AFF3: variants seen among roughly 807,000 people sequenced by gnomAD.
AFF3 encodes AF4/FMR2 family member 3.
In AFF3, 32 loss-of-function variants were observed where a neutral mutation model predicts 129.7. The ratio of observed to expected loss-of-function variants is 0.25; its 90% CI spans 0.19 to 0.33. The LOEUF (loss-of-function observed/expected upper bound fraction) is 0.33. Ranked by LOEUF, AFF3 falls within the 10% of genes least tolerant of loss-of-function variation. The pLI is 1.00. For synonymous variants in AFF3, 644 were observed against 635.4 expected (o/e 1.01, Z -0.20); for missense variants, 1,373 against 1,592.0 (o/e 0.86, Z 2.34).
chr2:99,708,881 T>C (rs927301777), intron 11 of AFF3, among the ~76,000 whole-genome samples: 3 of 152,236 alleles, frequency 2.0e-5, no homozygotes, highest in South Asian at 4.1e-4. Flanking sequence ...TAGAGACACA[T>C]TGATATTCAG....
intron 13 of AFF3, among the ~76,000 whole-genome samples, chr2:99,648,917 A>ACACACACACACACACACACTCT: frequency 1.5e-4 from 7 of 46,932 alleles, no homozygotes; most frequent in African/African-American, 3.9e-4. Flanking sequence ...ACACACACAC[A>ACACACACACACACACACACTCT]CTCTCTCTCT....
At chr2:99,716,284 G>C (rs1266209810) in intron 11 of AFF3, among the ~76,000 whole-genome samples, 2 of 152,152 alleles carry the variant, frequency 1.3e-5, no homozygotes, top group East Asian at 3.9e-4. Flanking sequence ...ATCTTCTTGA[G>C]ATGGTTATTG....
chr2:99,842,724 G>C (rs373472710), intron 7 of AFF3, among the ~76,000 whole-genome samples: 6 of 152,178 alleles, frequency 3.9e-5, no homozygotes, highest in African/African-American at 1.4e-4. Flanking sequence ...GAACTATGCT[G>C]TGGGTAAGTG....
chr2:99,704,026 C>T (rs1208222067), intron 11 of AFF3, among the ~76,000 whole-genome samples: 3 of 152,118 alleles, frequency 2.0e-5, no homozygotes, highest in Admixed American at 2.0e-4. Flanking sequence ...GGTGTAGAGA[C>T]CTTACCTCCA....
Position 99,999,291 on chromosome 2 carries a change from T to C in AFF3, c.873+7341A>G, listed in dbSNP as rs62149306. Among the ~76,000 whole-genome samples the C allele has an allele frequency of 7.4e-3, 1,128 of 152,336 alleles. 7 individuals carry two copies. Among genetic ancestry groups the C allele is most frequent in the Middle Eastern group, 0.027 (8 of 294 alleles). ...GCTATAAATTATATGTTGGAAGTGT[T>C]TGGCTCCTCTCTTCCCATAAAGGTC... is the stretch of plus-strand genomic sequence containing the variant. On this transcript the variant is annotated intron_variant, in intron 7 of 24. Transcript: ENST00000672756.
chr2:99,619,761 C>T (rs1296285131), intron 13 of AFF3, among the ~76,000 whole-genome samples: 1 of 152,120 alleles, frequency 6.6e-6, no homozygotes, highest in African/African-American at 2.4e-5. Context: ...GATTCTCACA[C>T]ACAGATGACA....
At chr2:99,997,357 G>A (rs929154338) in intron 7 of AFF3, among the ~76,000 whole-genome samples, 1 of 152,026 alleles carries the variant, frequency 6.6e-6, no homozygotes, top group Non-Finnish European at 1.5e-5. Flanking sequence ...ACAAATATCT[G>A]TCCTCAGTTC....
chr2:99,552,452 A>T (rs1674498980), intron 24 of AFF3, among the ~76,000 whole-genome samples: 1 of 152,192 alleles, frequency 6.6e-6, no homozygotes, highest in African/African-American at 2.4e-5. Context: ...TGGGTAGGGG[A>T]TGATAGCAGG....
intron 7 of AFF3, among the ~76,000 whole-genome samples, chr2:99,896,889 C>A (rs1054956115): frequency 3.9e-5 from 6 of 152,020 alleles, no homozygotes; most frequent in African/African-American, 1.2e-4. Context: ...CCCGCCTCGG[C>A]CTCCCAAAGT....
chr2:99,566,033 C>T (rs1389401420), intron 19 of AFF3, among the ~76,000 whole-genome samples: 1 of 152,166 alleles, frequency 6.6e-6, no homozygotes, highest in African/African-American at 2.4e-5. Context: ...TGGTACATCC[C>T]CAACTTGGAT....
At chr2:100,048,600 G>A (rs754516207) in intron 4 of AFF3, among the ~76,000 whole-genome samples, 23 of 152,106 alleles carry the variant, frequency 1.5e-4, no homozygotes, top group Admixed American at 3.9e-4. Context: ...TCAGTGTTTC[G>A]TAAATTCCTT....
intron 7 of AFF3, among the ~76,000 whole-genome samples, chr2:99,862,763 T>C (rs759290312): frequency 6.6e-6 from 1 of 152,256 alleles, no homozygotes; most frequent in African/African-American, 2.4e-5. Context: ...CCGAATGAGG[T>C]TGTGGTTAAA....
At position 99,974,410 on chromosome 2, in the gene AFF3, A is replaced by G. The variant is rs539797505; in HGVS notation, c.873+32222T>C. Among the ~76,000 whole-genome samples the G allele has an allele frequency of 2.0e-5, 3 of 152,372 alleles. No homozygotes were observed. The South Asian group carries it at 6.2e-4, about 32-fold the overall frequency. On this transcript the variant is annotated intron_variant, in intron 7 of 24. Coordinates refer to ENST00000672756, the MANE Select transcript of AFF3 (RefSeq NM_001386135.1). ...TGTACTCAAGCACAAAAGTGAGCAC[A>G]GTGTTGAGCGATTCTGACACTGACT...
chr2:99,850,441 ATG>A (rs1690061597), intron 7 of AFF3, among the ~76,000 whole-genome samples: 1 of 152,208 alleles, frequency 6.6e-6, no homozygotes, highest in East Asian at 1.9e-4. Flanking sequence ...ATTGTTATTA[ATG>A]GGACAGGGTT....
chr2:99,750,915 T>C (rs1211785357), intron 9 of AFF3, among the ~76,000 whole-genome samples: 1 of 152,222 alleles, frequency 6.6e-6, no homozygotes, highest in Non-Finnish European at 1.5e-5. Flanking sequence ...ATACAAAATA[T>C]TTTGCTGCTG....
chr2:99,816,040 C>CT lies in AFF3; in HGVS notation c.921+21436dup, dbSNP rs75327322. ...TCCAATAGGTCTTGGATGATCTGTT[C>CT]TTTTTTTTTTTTTTTAAATCTCATT... On this transcript the variant is annotated intron_variant, in intron 8 of 24. Coordinates refer to ENST00000672756, the MANE Select transcript of AFF3 (RefSeq NM_001386135.1). Among the ~76,000 whole-genome samples the CT allele has an allele frequency of 4.9e-3, 662 of 136,172 alleles. 4 individuals carry two copies. Among genetic ancestry groups the CT allele is most frequent in the East Asian group, 0.034 (158 of 4,652 alleles). The allele number at this position is 136,172 out of a possible 152,430, so 89.3% of individuals were successfully genotyped here.
At chr2:99,996,980 A>G (rs189972639) in intron 7 of AFF3, among the ~76,000 whole-genome samples, 1 of 151,756 alleles carries the variant, frequency 6.6e-6, no homozygotes, top group East Asian at 1.9e-4. Flanking sequence ...TTTTCTTCCT[A>G]CCTACTGATC....
chr2:99,902,372 C>G (rs1214349306), intron 7 of AFF3, among the ~76,000 whole-genome samples: 1 of 151,956 alleles, frequency 6.6e-6, no homozygotes, highest in African/African-American at 2.4e-5. Flanking sequence ...TTCCAGTGTG[C>G]GGCTCTTCTG....
At chr2:99,885,539 C>T (rs898713008) in intron 7 of AFF3, among the ~76,000 whole-genome samples, 4 of 152,232 alleles carry the variant, frequency 2.6e-5, no homozygotes, top group Non-Finnish European at 5.9e-5. Context: ...ATCAAGGAAT[C>T]ATGAGTCTCA....
Sources: allele counts gnomAD v4.1 joint callset (sites outside exome capture counted in the v4.1 genomes callset), GRCh38; gene constraint gnomAD v4.1.1; transcripts MANE v1.5; gene names NCBI Gene and HGNC (gene_info 2026-07-23, HGNC 2026-07-21).